TNKS: variants seen among roughly 807,000 people sequenced by gnomAD.
TNKS encodes poly [ADP-ribose] polymerase tankyrase-1.
In TNKS, 72 loss-of-function variants were observed where a neutral mutation model predicts 135.8. The ratio of observed to expected loss-of-function variants is 0.53; its 90% CI spans 0.44 to 0.64. The LOEUF (loss-of-function observed/expected upper bound fraction) is 0.64, where lower values mean the gene tolerates loss of function less well. Ranked by LOEUF, TNKS falls within the 30% of genes least tolerant of loss-of-function variation. TNKS has a pLI of 0.00. For synonymous variants in TNKS, 849 were observed against 649.3 expected (o/e 1.31, Z -4.68); for missense variants, 1,769 against 1,674.0 (o/e 1.06, Z -0.99).
chr8:9,586,132 TTAGAAA>T (rs1282746797), intron 2 of TNKS, among the ~76,000 whole-genome samples: 1 of 152,176 alleles, frequency 6.6e-6, no homozygotes, highest in East Asian at 1.9e-4. Flanking sequence ...AATAACATGA[TTAGAAA>T]TAGTTTTCTT....
chr8:9,715,111 G>C (rs1221861349), intron 11 of TNKS, among the ~76,000 whole-genome samples: 1 of 152,130 alleles, frequency 6.6e-6, no homozygotes, highest in African/African-American at 2.4e-5. Flanking sequence ...GAAGGAGCAG[G>C]TGACCAGTGC....
chr8:9,658,426 G>C, intron 3 of TNKS: 3 of 1,206,598 alleles, frequency 2.5e-6, no homozygotes, highest in Non-Finnish European at 3.3e-6. Flanking sequence ...CGGCGGTCGG[G>C]CGGCGGCGGC....
At chr8:9,704,847 T>C in intron 6 of TNKS, 90 bp downstream of exon 6, 1 of 948,802 alleles carries the variant, frequency 1.1e-6, no homozygotes, top group Non-Finnish European at 1.6e-6. Flanking sequence ...ATATGTCCCA[T>C]TTGTTACGGC....
intron 5 of TNKS, among the ~76,000 whole-genome samples, chr8:9,684,027 A>T (rs898074700): frequency 6.6e-6 from 1 of 151,352 alleles, no homozygotes; most frequent in African/African-American, 2.4e-5. Flanking sequence ...TGATACTTTT[A>T]TGCAATTATA....
rs192205159 is a variant in TNKS, at chr8:9,746,023, A to G, written c.2644-2001A>G. ...TTCTTGGCCTTCCCTGTCTTTTCCC[A>G]TTCTCATAAATGTCTTCCTTAAAAG... is the stretch of plus-strand genomic sequence containing the variant. On this transcript the variant is annotated intron_variant, in intron 17 of 26. Coordinates refer to ENST00000310430, the MANE Select transcript of TNKS (RefSeq NM_003747.3). Among the ~76,000 whole-genome samples the G allele has an allele frequency of 3.3e-5, 5 of 152,246 alleles. No homozygotes were observed. In the East Asian group the frequency reaches 7.7e-4, roughly 24 times the overall value.
chr8:9,556,779 A>G (rs1178400028), intron 1 of TNKS, 167 bp downstream of exon 1: 31 of 371,142 alleles, frequency 8.4e-5, no homozygotes, highest in South Asian at 2.0e-4. Flanking sequence ...TGCCTGGGTG[A>G]TGGGGGCGTG....
rs1235642262 is a variant in TNKS at position 9,734,984 on chromosome 8, C to G, written c.2433C>G (p.Ala811=). 1.2e-6 allele frequency: 2 copies of G among 1,614,126 alleles called. No homozygotes were observed. Among genetic ancestry groups the G allele is most frequent in the Non-Finnish European group, 1.7e-6 (2 of 1,180,022 alleles). Reference sequence around the variant, plus strand: ...GGGATGCTGCTTTGTTGGATGCTGCCAAGAAGGGCTGCCTGGCAAGAGTGC... The same window carrying G: ...GGGATGCTGCTTTGTTGGATGCTGCGAAGAAGGGCTGCCTGGCAAGAGTGC... ...LRGDAALLDA[A]KKGCLARVQK... Residue 811 remains alanine, a synonymous_variant, in exon 16 of 27, where the codon GCC becomes GCG. Coordinates refer to ENST00000310430, the MANE Select transcript of TNKS (RefSeq NM_003747.3).
chr8:9,626,475 A>T (rs1490349461), intron 3 of TNKS, among the ~76,000 whole-genome samples: 2 of 152,228 alleles, frequency 1.3e-5, no homozygotes, highest in Non-Finnish European at 2.9e-5. Flanking sequence ...AATTTATTGC[A>T]GTAGCAATAG....
At chr8:9,684,911 C>T (rs994022475) in intron 5 of TNKS, among the ~76,000 whole-genome samples, 7 of 152,060 alleles carry the variant, frequency 4.6e-5, no homozygotes, top group South Asian at 2.1e-4. Flanking sequence ...ATTCCTTTTG[C>T]GGTGATACAG....
rs368231440 is a variant in TNKS, at chr8:9,717,072, A to AATATATATATATATATAT, written c.1750-3289_1750-3272dup. Among the ~76,000 whole-genome samples the AATATATATATATATATAT allele has an allele frequency of 2.5e-3, 199 of 79,376 alleles. 2 individuals carry two copies. The highest frequency in any genetic ancestry group is 8.0e-3 in the African/African-American group (173 of 21,702). The allele number at this position is 79,376 out of a possible 152,430, so 52.1% of individuals were successfully genotyped here. On this transcript the variant is annotated intron_variant, in intron 11 of 26. Coordinates refer to ENST00000310430, the MANE Select transcript of TNKS (RefSeq NM_003747.3). ...CACCAAAGATAATCTGTTGTATTAT[A>AATATATATATATATATAT]ATATATATATATATATATATATATA...
chr8:9,713,976 C>G (rs986205970), intron 11 of TNKS, among the ~76,000 whole-genome samples: 2 of 152,182 alleles, frequency 1.3e-5, no homozygotes, highest in Non-Finnish European at 2.9e-5. Flanking sequence ...GGATTCAGCC[C>G]TCTTCCACTG....
chr8:9,595,711 AC>A (rs1742646238), intron 2 of TNKS, among the ~76,000 whole-genome samples: 1 of 152,110 alleles, frequency 6.6e-6, no homozygotes, highest in South Asian at 2.1e-4. Flanking sequence ...ATTTTCATAT[AC>A]TTTTTTACAG....
chr8:9,710,341 T>C, intron 11 of TNKS, 121 bp downstream of exon 11: 1 of 858,994 alleles, frequency 1.2e-6, no homozygotes, highest in East Asian at 2.7e-5. Flanking sequence ...TATTAGTTCG[T>C]ACTTAAATTC....
intron 23 of TNKS, 67 bp downstream of exon 23, chr8:9,764,857 A>G: frequency 7.5e-7 from 1 of 1,332,958 alleles, no homozygotes; most frequent in Non-Finnish European, 1.0e-6. Context: ...AATCTAGACA[A>G]TGAAAAAAGT....
intron 5 of TNKS, among the ~76,000 whole-genome samples, chr8:9,703,575 T>C (rs1260415072): frequency 6.6e-6 from 1 of 152,206 alleles, no homozygotes; most frequent in East Asian, 1.9e-4. Flanking sequence ...TAGCTGTGCA[T>C]TGCTCAAAAT....
In TNKS at chr8:9,556,443, G is replaced by A. The variant is rs1437553117; in HGVS notation, c.504G>A (p.Gly168=). The part of the protein sequence containing the change: ...GVSSTAPLGP[G]AAGPGTGVPA... Reference sequence around the variant, plus strand: ...GCAGCACAGCACCACTGGGGCCTGGGGCAGCAGGACCTGGGACAGGGGTCC... The same window carrying A: ...GCAGCACAGCACCACTGGGGCCTGGAGCAGCAGGACCTGGGACAGGGGTCC... Residue 168 remains glycine, a synonymous_variant, in exon 1 of 27, where the codon GGG becomes GGA. Transcript: ENST00000310430. 2 of 1,614,034 alleles carry A rather than the reference G, an allele frequency of 1.2e-6. No homozygotes were observed. The highest frequency in any genetic ancestry group is 2.2e-5 in the East Asian group (1 of 44,894).
chr8:9,725,961 C>T (rs1236276099), intron 12 of TNKS, among the ~76,000 whole-genome samples: 1 of 152,180 alleles, frequency 6.6e-6, no homozygotes, highest in Non-Finnish European at 1.5e-5. Flanking sequence ...ATTATACAAA[C>T]ATTGAAAGTT....
intron 5 of TNKS, among the ~76,000 whole-genome samples, chr8:9,691,447 C>T (rs926897653): frequency 6.6e-6 from 1 of 152,160 alleles, no homozygotes; most frequent in Non-Finnish European, 1.5e-5. Flanking sequence ...CCCTGCCTGC[C>T]AAGAGTAATT....
chr8:9,763,181 T>C lies in TNKS; in HGVS notation c.3309T>C (p.Asn1103=), dbSNP rs141570530. 1,591 of 1,606,082 alleles carry C rather than the reference T, an allele frequency of 9.9e-4. No individual in the cohort carries two copies. Among genetic ancestry groups the C allele is most frequent in the Non-Finnish European group, 1.2e-3 (1,440 of 1,175,312 alleles). The change falls in exon 22 of 27, where the codon AAT becomes AAC. Residue 1103 remains asparagine (N), a synonymous_variant. Coordinates refer to ENST00000310430, the MANE Select transcript of TNKS (RefSeq NM_003747.3). ...TNPYLTFHCV[N]QGTILLDLAP... ...CTTATTTGACTTTTCACTGTGTTAA[T>C]CAGGGAACGATTTTGCTGGATCTTG...
Sources: allele counts gnomAD v4.1 joint callset (sites outside exome capture counted in the v4.1 genomes callset), GRCh38; gene constraint gnomAD v4.1.1; transcripts MANE v1.5; gene names NCBI Gene and HGNC (gene_info 2026-07-23, HGNC 2026-07-21).